SDK1: variants seen among roughly 807,000 people sequenced by gnomAD.
SDK1 encodes sidekick cell adhesion molecule 1, also known as protein sidekick-1.
In SDK1, 157 loss-of-function variants were observed where a neutral mutation model predicts 245.5. The observed-to-expected ratio is 0.64, with a 90% CI of 0.56 to 0.73. SDK1 has a LOEUF of 0.73. SDK1 is among the 30% of genes least tolerant of loss of function. SDK1 has a pLI of 0.00. For missense variants in SDK1, 3,583 were observed against 3,002.3 expected, an observed-to-expected ratio of 1.19 and a Z score of -4.52; for synonymous variants, 1,647 against 1,278.5, an observed-to-expected ratio of 1.29 and a Z score of -6.15.
intron 1 of SDK1, among the ~76,000 whole-genome samples, chr7:3,540,296 A>G (rs942509983): frequency 1.3e-5 from 2 of 152,242 alleles, no homozygotes; most frequent in African/African-American, 2.4e-5. Context: ...AATCTCAGCT[A>G]TTCGGGAGGC....
At chr7:4,145,321 C>T (rs1779885427) in intron 28 of SDK1, among the ~76,000 whole-genome samples, 1 of 152,050 alleles carries the variant, frequency 6.6e-6, no homozygotes, top group Non-Finnish European at 1.5e-5. Flanking sequence ...CTGTCTTTTG[C>T]AAGAATTAAA....
chr7:4,012,570 TTTTTTTTTTTTTTTTTTTTTTTG>T (rs1292654835), intron 16 of SDK1, among the ~76,000 whole-genome samples: 3 of 108,458 alleles, frequency 2.8e-5, no homozygotes, highest in African/African-American at 1.2e-4. Context: ...TTTTTTTTTT[TTTTTTTTTTTTTTTTTTTTTTTG>T]ATGGAGTTTC....
chr7:3,412,224 TTTTCCTGCCCCA>T (rs1302670980), intron 1 of SDK1, among the ~76,000 whole-genome samples: 25 of 152,124 alleles, frequency 1.6e-4, no homozygotes, highest in Admixed American at 1.5e-3. Context: ...GAAAAGCCCC[TTTTCCTGCCCCA>T]TTTCCTCAGC....
In SDK1 at chr7:3,617,296, G is replaced by C. The variant is rs151276330; in HGVS notation, c.299-1784G>C. On this transcript the variant is annotated intron_variant, in intron 1 of 44. Transcript: ENST00000404826. ...CATTGTTCTAGGTGCTAGGAATTCA[G>C]AAGTGATCAAGACTAATGTACTGTA... 1.5e-3 allele frequency among the ~76,000 whole-genome samples: 234 copies of C among 152,308 alleles called. 1 individual carries two copies. The highest frequency in any genetic ancestry group is 5.4e-3 in the African/African-American group (224 of 41,566).
intron 1 of SDK1, among the ~76,000 whole-genome samples, chr7:3,595,847 A>C (rs1301658231): frequency 1.3e-5 from 2 of 150,138 alleles, no homozygotes; most frequent in Admixed American, 6.6e-5. Flanking sequence ...AAAAAAAAAA[A>C]AAAAAAAAAC....
chr7:3,620,273 TA>T lies in SDK1; in HGVS notation c.458+1042del, dbSNP rs547874177. On this transcript the variant is annotated intron_variant, in intron 2 of 44. Coordinates refer to ENST00000404826, the MANE Select transcript of SDK1 (RefSeq NM_152744.4). Reference sequence around the variant, plus strand: ...GTGTGTTTGTATTTTAAAAATCAATTAAAAAAAATATGAGAATGCTTACAGC... The same window carrying T: ...GTGTGTTTGTATTTTAAAAATCAATTAAAAAAATATGAGAATGCTTACAGC... 7.0e-4 allele frequency among the ~76,000 whole-genome samples: 106 copies of T among 150,382 alleles called. 2 individuals carry two copies. Among genetic ancestry groups the T allele is most frequent in the African/African-American group, 1.7e-3 (68 of 40,760 alleles).
intron 5 of SDK1, among the ~76,000 whole-genome samples, chr7:3,827,524 T>G (rs1241305898): frequency 6.6e-6 from 1 of 152,230 alleles, no homozygotes; most frequent in Non-Finnish European, 1.5e-5. Flanking sequence ...GAGAGATAAA[T>G]GATTTTATAA....
At chr7:4,058,736 T>C (rs1443443226) in intron 19 of SDK1, among the ~76,000 whole-genome samples, 1 of 152,000 alleles carries the variant, frequency 6.6e-6, no homozygotes, top group African/African-American at 2.4e-5. Flanking sequence ...TAGCCAAGAG[T>C]ACTATATGCA....
intron 4 of SDK1, among the ~76,000 whole-genome samples, chr7:3,700,698 G>A (rs1784714731): frequency 6.6e-6 from 1 of 152,146 alleles, no homozygotes; most frequent in Non-Finnish European, 1.5e-5. Context: ...GCCCCAGAAT[G>A]CCCATAATTA....
At chr7:3,823,503 A>T (rs1453834372) in intron 5 of SDK1, among the ~76,000 whole-genome samples, 3 of 152,214 alleles carry the variant, frequency 2.0e-5, no homozygotes, top group African/African-American at 7.2e-5. Flanking sequence ...GCCAGCAGAA[A>T]ATAAAGCGAG....
rs1421705388 is a variant in SDK1 at position 3,986,078 on chromosome 7, G to T, written c.1995-1108G>T. 2.0e-5 allele frequency among the ~76,000 whole-genome samples: 3 copies of T among 152,258 alleles called. No individual in the cohort carries two copies. The East Asian group carries it at 5.8e-4, about 29-fold the overall frequency. ...ACAGGGTCCTGCTCCGGATTCAGGAGACGTGAAGGTTCAGTACAGGGCCCG... is the reference window on the plus strand; with the variant it reads ...ACAGGGTCCTGCTCCGGATTCAGGATACGTGAAGGTTCAGTACAGGGCCCG... On this transcript the variant is annotated intron_variant, in intron 13 of 44. Coordinates refer to ENST00000404826, the MANE Select transcript of SDK1 (RefSeq NM_152744.4).
Position 3,781,453 on chromosome 7 carries a change from C to A in SDK1, c.714-39997C>A, listed in dbSNP as rs115403548. ...GAAATCTATTCCTGTCAAAGAACAC[C>A]TGTAAAGGCCAGAAAAGGGGACTGT... On this transcript the variant is annotated intron_variant, in intron 4 of 44. Coordinates refer to ENST00000404826, the MANE Select transcript of SDK1 (RefSeq NM_152744.4). 5.6e-3 allele frequency among the ~76,000 whole-genome samples: 845 copies of A among 152,190 alleles called. 9 individuals carry two copies. Among genetic ancestry groups the A allele is most frequent in the African/African-American group, 0.02 (812 of 41,540 alleles).
rs575430322 is a variant in SDK1, at chr7:4,161,796, G to T, written c.4740G>T (p.Glu1580Asp). Reference protein sequence around the residue: ...AVTTLQDVPGEPPGSVSATPH... With the variant: ...AVTTLQDVPGDPPGSVSATPH... ...TCCTGTGTGTTTCAGTTCCAGGAGA[G>T]CCCCCGGGATCTGTCTCAGCGACGC... Residue 1580 changes from glutamate to aspartate, a missense_variant, in exon 32 of 45, where the codon GAG becomes GAT. Transcript: ENST00000404826. 2.4e-5 allele frequency: 39 copies of T among 1,613,972 alleles called. No individual in the cohort carries two copies. The Admixed American group carries it at 6.3e-4, about 26-fold the overall frequency.
intron 1 of SDK1, among the ~76,000 whole-genome samples, chr7:3,339,025 T>A (rs1780276428): frequency 6.6e-6 from 1 of 152,198 alleles, no homozygotes. Context: ...ATTGGCACAG[T>A]GGTTAAGAAA....
chr7:3,579,962 G>C (rs995527728), intron 1 of SDK1, among the ~76,000 whole-genome samples: 4 of 152,166 alleles, frequency 2.6e-5, no homozygotes, highest in South Asian at 2.1e-4. Context: ...TACAAAATCG[G>C]TGTATGAAAA....
At chr7:4,053,484 C>T (rs1475606521) in intron 19 of SDK1, among the ~76,000 whole-genome samples, 3 of 152,154 alleles carry the variant, frequency 2.0e-5, no homozygotes, top group African/African-American at 4.8e-5. Flanking sequence ...CTATTGGATC[C>T]TTTCCCTCCT....
intron 1 of SDK1, among the ~76,000 whole-genome samples, chr7:3,524,121 G>A (rs1783037030): frequency 6.6e-6 from 1 of 152,218 alleles, no homozygotes; most frequent in African/African-American, 2.4e-5. Context: ...AAGGAAGGGA[G>A]TTAACTAAGT....
At chr7:3,640,980 C>T (rs767888130) in intron 3 of SDK1, among the ~76,000 whole-genome samples, 23 of 152,060 alleles carry the variant, frequency 1.5e-4, no homozygotes, top group South Asian at 1.2e-3. Context: ...CTGTGCTCTG[C>T]GTTTAGATTT....
intron 40 of SDK1, among the ~76,000 whole-genome samples, chr7:4,223,205 C>G (rs1418738223): frequency 2.0e-5 from 3 of 152,066 alleles, no homozygotes; most frequent in Admixed American, 2.0e-4. Context: ...AGGATCCAGG[C>G]GTTCACAAAT....
Sources: gnomAD v4.1 joint callset for allele counts (sites outside exome capture counted in the v4.1 genomes callset) on GRCh38, gnomAD v4.1.1 for gene constraint, MANE v1.5 for transcripts, NCBI Gene and HGNC (gene_info 2026-07-23, HGNC 2026-07-21) for gene names.